Variants in EME2 observed in about 807,000 individuals in gnomAD.
EME2 encodes the protein structure-specific endonuclease subunit EME2.
Under a neutral mutation model 41.9 loss-of-function variants are expected in EME2, and 58 were observed. That is an observed-to-expected ratio of 1.38 (90% confidence interval 1.12 to 1.72). The LOEUF (loss-of-function observed/expected upper bound fraction) is 1.72. Ranked by LOEUF, EME2 falls within the 40% of genes most tolerant of loss-of-function variation. The probability of loss-of-function intolerance (pLI) is 0.00; values close to 1 mark genes in which losing one functional copy is unlikely to be tolerated. For missense variants in EME2, 695 were observed against 541.9 expected (o/e 1.28, Z -2.81); for synonymous variants, 334 against 239.3 (o/e 1.40, Z -3.65).
In EME2 at chr16:1,778,680, C is replaced by T. The variant is rs893979746; in HGVS notation, c.*2442C>T. On this transcript the variant is annotated 3_prime_UTR_variant, in exon 8 of 8. Coordinates refer to ENST00000568449, the MANE Select transcript of EME2 (RefSeq NM_001257370.2). ...CTACCCTCTCACCCTTGCCCTCTGT[C>T]CCTGTCCCACCCTGTCCCTGACCCA... The T allele has an allele frequency of 4.3e-5, 63 of 1,470,570 alleles. No homozygotes were observed. The highest frequency in any genetic ancestry group is 1.2e-4 in the Admixed American group (5 of 42,514). The allele number at this position is 1,470,570 out of a possible 1,614,324, so 91.1% of individuals were successfully genotyped here.
rs1212758055 is a variant in EME2, at chr16:1,772,955, C to G, written c.-273C>G. ...GGCGGCTCTCGCGGCGCACGTCGGC[C>G]CAGGCCCGGACCGGCAGCCGGCGTC... On this transcript the variant is annotated 5_prime_UTR_variant, in exon 1 of 8. Coordinates refer to ENST00000568449, the MANE Select transcript of EME2 (RefSeq NM_001257370.2). 1 of 1,452,422 alleles carries G rather than the reference C, an allele frequency of 6.9e-7. No individual in the cohort carries two copies. Among genetic ancestry groups the G allele is most frequent in the Admixed American group, 2.8e-5 (1 of 36,064 alleles). 90.0% of individuals were successfully genotyped at this position (1,452,422 alleles called of 1,614,324 possible).
chr16:1,776,052 C>T lies in EME2; in HGVS notation c.970-16C>T, dbSNP rs2042707575. The T allele has an allele frequency of 6.2e-7, 1 of 1,606,344 alleles. No homozygotes were observed. The highest frequency in any genetic ancestry group is 1.3e-5 in the African/African-American group (1 of 74,916). On this transcript the variant is annotated splice_polypyrimidine_tract_variant and intron_variant, in intron 7 of 7. Coordinates refer to ENST00000568449, the MANE Select transcript of EME2 (RefSeq NM_001257370.2). ...CCCGTCCCCAGGCGCCCTCTCATGC[C>T]TTTGCCTGCTCCTAGGCGCTGGAGG...
In EME2 at chr16:1,777,413, C is replaced by T. The variant is rs748724962; in HGVS notation, c.*1175C>T. 6 of 1,559,216 alleles carry T rather than the reference C, an allele frequency of 3.8e-6. No individual in the cohort carries two copies. Among genetic ancestry groups the T allele is most frequent in the Non-Finnish European group, 3.5e-6 (4 of 1,154,726 alleles). ...CGTGGAGCACACCATCGGGTAGAAT[C>T]TCTTGTTCTGCAGCTTGGTGGCTGC... On this transcript the variant is annotated 3_prime_UTR_variant, in exon 8 of 8. Transcript: ENST00000568449.
Position 1,776,284 on chromosome 16 carries a change from C to T in EME2, c.*46C>T. 1.3e-6 allele frequency: 2 copies of T among 1,593,748 alleles called. No homozygotes were observed. The highest frequency in any genetic ancestry group is 2.2e-5 in the South Asian group (2 of 89,700). On this transcript the variant is annotated 3_prime_UTR_variant, in exon 8 of 8. Coordinates refer to ENST00000568449, the MANE Select transcript of EME2 (RefSeq NM_001257370.2). ...ACAGCATGCAGCCTTGGGGACAGAC[C>T]AGACACCCTGGGCGGTGGGGGAGGA...
rs2042737672 is a variant in EME2, at chr16:1,777,886, G to A, written c.*1648G>A. On this transcript the variant is annotated 3_prime_UTR_variant, in exon 8 of 8. Coordinates refer to ENST00000568449, the MANE Select transcript of EME2 (RefSeq NM_001257370.2). ...GGTGGAGGAGGCCTGGGGGCAGCCA[G>A]GGTCGCAGTGAGCCCGGGAGCTCCA... 6.2e-7 allele frequency: 1 copy of A among 1,611,990 alleles called. No homozygotes were observed. The highest frequency in any genetic ancestry group is 8.5e-7 in the Non-Finnish European group (1 of 1,179,648).
rs1288169901 is a variant in EME2, at chr16:1,776,850, C to T, written c.*612C>T. 18 of 545,326 alleles carry T rather than the reference C, an allele frequency of 3.3e-5. No individual in the cohort carries two copies. Among genetic ancestry groups the T allele is most frequent in the African/African-American group, 7.6e-5 (4 of 52,630 alleles). The allele number at this position is 545,326 out of a possible 1,614,324, so 33.8% of individuals were successfully genotyped here. A position where few individuals can be genotyped will look rare whatever the true frequency, so the allele number is the denominator to read the frequency against. ...GCAACGCGGGCTCCAGCCAGGCTCT[C>T]GTCCTCGCAGCCTCCCACAAGACCT... is the stretch of plus-strand genomic sequence containing the variant. On this transcript the variant is annotated 3_prime_UTR_variant, in exon 8 of 8. Transcript: ENST00000568449.
Position 1,773,174 on chromosome 16 carries a change from C to T in EME2, c.-54C>T, listed in dbSNP as rs1004356275. Reference sequence around the variant, plus strand: ...GGAAGTCACCGGAAGAGGCCGGTGTCCCAGGCTAAAGTGTTCGGTCGCGGC... The same window carrying T: ...GGAAGTCACCGGAAGAGGCCGGTGTTCCAGGCTAAAGTGTTCGGTCGCGGC... On this transcript the variant is annotated 5_prime_UTR_variant, in exon 1 of 8. Coordinates refer to ENST00000568449, the MANE Select transcript of EME2 (RefSeq NM_001257370.2). 3.5e-6 allele frequency: 5 copies of T among 1,419,986 alleles called. No individual in the cohort carries two copies. Among genetic ancestry groups the T allele is most frequent in the Non-Finnish European group, 4.6e-6 (5 of 1,094,992 alleles). 88.0% of individuals were successfully genotyped at this position (1,419,986 alleles called of 1,614,324 possible).
In EME2 at chr16:1,775,129, T is replaced by C. The variant is rs2141982627; in HGVS notation, c.566T>C (p.Leu189Pro). Residue 189 changes from leucine to proline, a missense_variant, in exon 4 of 8, where the codon CTG (leucine) becomes CCG (proline). Physicochemically the swap from Leu to Pro is moderately conservative, Grantham distance 98. Transcript: ENST00000568449. ...HLAVIGLDAY[L>P]WSRQHVSRGT... ...GCTGTCATCGGGCTGGATGCCTACC[T>C]GTGGTACCGCTCACTCTCATGCCCA... 1 of 1,611,902 alleles carries C rather than the reference T, an allele frequency of 6.2e-7. No individual in the cohort carries two copies. The highest frequency in any genetic ancestry group is 8.5e-7 in the Non-Finnish European group (1 of 1,179,850).
chr16:1,778,102 C>G lies in EME2; in HGVS notation c.*1864C>G. The stretch of plus-strand genomic sequence containing the variant: ...GGGGCTGGGCTGCCGGAGCCAGGTT[C>G]CCCAGAAGCACCCTGGGCCGAAGCA... On this transcript the variant is annotated 3_prime_UTR_variant, in exon 8 of 8. Coordinates refer to ENST00000568449, the MANE Select transcript of EME2 (RefSeq NM_001257370.2). 6.2e-7 allele frequency: 1 copy of G among 1,612,910 alleles called. No homozygotes were observed. Among genetic ancestry groups the G allele is most frequent in the Non-Finnish European group, 8.5e-7 (1 of 1,179,914 alleles).
Position 1,777,599 on chromosome 16 carries a change from C to CT in EME2, c.*1362dup, listed in dbSNP as rs888910950. The CT allele has an allele frequency of 5.6e-6, 8 of 1,417,232 alleles. No homozygotes were observed. The African/African-American group carries it at 1.1e-4, about 20-fold the overall frequency. 87.8% of individuals were successfully genotyped at this position (1,417,232 alleles called of 1,614,324 possible). Reference sequence around the variant, plus strand: ...GCTGGCCCTGCCACTCCAGCCTGGCCTCACTGTCCCACCCCCTGGGACCCT... The same window carrying CT: ...GCTGGCCCTGCCACTCCAGCCTGGCCTTCACTGTCCCACCCCCTGGGACCCT... On this transcript the variant is annotated 3_prime_UTR_variant, in exon 8 of 8. Coordinates refer to ENST00000568449, the MANE Select transcript of EME2 (RefSeq NM_001257370.2).
Position 1,776,112 on chromosome 16 carries a change from G to T in EME2, c.1014G>T (p.Leu338=). 1 of 1,611,644 alleles carries T rather than the reference G, an allele frequency of 6.2e-7. No individual in the cohort carries two copies. The part of the protein sequence containing the change: ...CSTERERMGL[L]ADLPVPPSEG... Reference sequence around the variant, plus strand: ...CGGAGCGGGAGCGCATGGGCCTCCTGGCCGACCTTCCTGTGCCGCCCAGTG... The same window carrying T: ...CGGAGCGGGAGCGCATGGGCCTCCTTGCCGACCTTCCTGTGCCGCCCAGTG... Residue 338 remains leucine, a synonymous_variant, in exon 8 of 8, where the codon CTG becomes CTT. Transcript: ENST00000568449.
In EME2 at chr16:1,778,029, G is replaced by T. The variant is rs35816944; in HGVS notation, c.*1791G>T. On this transcript the variant is annotated 3_prime_UTR_variant, in exon 8 of 8. Transcript: ENST00000568449. ...GCGGTATTTGTCCAGGTCCACATCCGACGTCCCGATGCCCACCATCTAGGA... is the reference window on the plus strand; with the variant it reads ...GCGGTATTTGTCCAGGTCCACATCCTACGTCCCGATGCCCACCATCTAGGA... 6.2e-7 allele frequency: 1 copy of T among 1,613,216 alleles called. No individual in the cohort carries two copies. The highest frequency in any genetic ancestry group is 8.5e-7 in the Non-Finnish European group (1 of 1,179,992).
intron 2 of EME2, 54 bp downstream of exon 2, chr16:1,773,895 A>G (rs2042670233): frequency 5.4e-6 from 8 of 1,495,238 alleles, no homozygotes; most frequent in Non-Finnish European, 7.1e-6. Context: ...TTTTGCTTCC[A>G]TGATTTCAGC....
chr16:1,772,908 A>G lies in EME2; in HGVS notation c.-320A>G, dbSNP rs1244481478. On this transcript the variant is annotated 5_prime_UTR_variant, in exon 1 of 8. Coordinates refer to ENST00000568449, the MANE Select transcript of EME2 (RefSeq NM_001257370.2). Reference sequence around the variant, plus strand: ...CAGGCGGCCCAGGCCGAAGAGCGGGAGGCGGCCGAGCAGCTGCAAGAGGCG... The same window carrying G: ...CAGGCGGCCCAGGCCGAAGAGCGGGGGGCGGCCGAGCAGCTGCAAGAGGCG... The G allele has an allele frequency of 1.4e-6, 2 of 1,449,652 alleles. No homozygotes were observed. Among genetic ancestry groups the G allele is most frequent in the Middle Eastern group, 4.1e-4 (2 of 4,840 alleles). 89.8% of individuals were successfully genotyped at this position (1,449,652 alleles called of 1,614,324 possible). A position where few individuals can be genotyped will look rare whatever the true frequency, so the allele number is the denominator to read the frequency against.
Position 1,776,248 on chromosome 16 carries a change from G to T in EME2, c.*10G>T, listed in dbSNP as rs1197276894. 2 of 1,611,720 alleles carry T rather than the reference G, an allele frequency of 1.2e-6. No individual in the cohort carries two copies. Among genetic ancestry groups the T allele is most frequent in the Admixed American group, 3.3e-5 (2 of 59,930 alleles). ...GGACCTGGGCTCCTGACCACACGTG[G>T]GACCACCAGGACAGCATGCAGCCTT... On this transcript the variant is annotated 3_prime_UTR_variant, in exon 8 of 8. Transcript: ENST00000568449.
Position 1,775,644 on chromosome 16 carries a change from G to A in EME2, c.739G>A (p.Val247Met), listed in dbSNP as rs150023204. ...CTCTTGGCAGGAGCTGAGTCGGCACGTGTGCGCCGTTACCAAGGCTCTCGC... is the reference window on the plus strand; with the variant it reads ...CTCTTGGCAGGAGCTGAGTCGGCACATGTGCGCCGTTACCAAGGCTCTCGC... ...VASWQELSRH[V>M]CAVTKALAQY... The change falls in exon 6 of 8, where the codon GTG becomes ATG. Residue 247 changes from valine to methionine, a missense_variant. Transcript: ENST00000568449. 2.9e-5 allele frequency: 46 copies of A among 1,612,786 alleles called. No individual in the cohort carries two copies. The African/African-American group carries it at 4.1e-4, about 15-fold the overall frequency.
chr16:1,775,489 T>TG, intron 5 of EME2, 80 bp from the exon 6 acceptor site: 1 of 1,594,358 alleles, frequency 6.3e-7, no homozygotes, highest in Non-Finnish European at 8.6e-7. Flanking sequence ...GTTCCCAGCG[T>TG]GGTACATGGG....
rs2042751300 is a variant in EME2 at position 1,778,668 on chromosome 16, C to T, written c.*2430C>T. On this transcript the variant is annotated 3_prime_UTR_variant, in exon 8 of 8. Coordinates refer to ENST00000568449, the MANE Select transcript of EME2 (RefSeq NM_001257370.2). ...GTTGCCCGCTCTCTACCCTCTCACC[C>T]TTGCCCTCTGTCCCTGTCCCACCCT... 1 of 1,503,848 alleles carries T rather than the reference C, an allele frequency of 6.6e-7. No homozygotes were observed. The highest frequency in any genetic ancestry group is 8.8e-7 in the Non-Finnish European group (1 of 1,130,460). The allele number at this position is 1,503,848 out of a possible 1,614,324, so 93.2% of individuals were successfully genotyped here. A position where few individuals can be genotyped will look rare whatever the true frequency, so the allele number is the denominator to read the frequency against.
At position 1,775,984 on chromosome 16, in the gene EME2, C is replaced by A; in HGVS notation, c.967C>A (p.Gln323Lys). The A allele has an allele frequency of 6.2e-7, 1 of 1,608,288 alleles. No individual in the cohort carries two copies. The highest frequency in any genetic ancestry group is 1.1e-5 in the South Asian group (1 of 90,930). The change falls in exon 7 of 8, where the codon CAG (glutamine) becomes AAG (lysine). Residue 323 changes from glutamine to lysine, a missense_variant and splice_region_variant. Physicochemically the swap from Gln to Lys is moderately conservative, Grantham distance 53 (BLOSUM62 1). Coordinates refer to ENST00000568449, the MANE Select transcript of EME2 (RefSeq NM_001257370.2). ...CTTCCCCTCCCCCCGCCTTCTGCAGCAGGTGGGCCCCTGCCTCCTCCAAGC... is the reference window on the plus strand; with the variant it reads ...CTTCCCCTCCCCCCGCCTTCTGCAGAAGGTGGGCCCCTGCCTCCTCCAAGC... ...TAFPSPRLLQ[Q>K]ALEACSTERE...
Sources: gnomAD v4.1 joint callset for allele counts on GRCh38, gnomAD v4.1.1 for gene constraint, MANE v1.5 for transcripts, NCBI Gene and HGNC (gene_info 2026-07-23, HGNC 2026-07-21) for gene names.